TCF7L2: variants seen among roughly 807,000 people sequenced by gnomAD.
TCF7L2 encodes transcription factor 7-like 2.
A neutral mutation model predicts 77.9 loss-of-function variants in TCF7L2; 23 were observed. That is an observed-to-expected ratio of 0.30 (90% CI 0.21 to 0.42). TCF7L2 has a LOEUF of 0.42. TCF7L2 is among the 10% of genes least tolerant of loss of function. The pLI is 1.00. For synonymous variants in TCF7L2, 413 were observed against 340.2 expected (o/e 1.21, Z -2.36); for missense variants, 654 against 793.1 (o/e 0.82, Z 2.11).
At chr10:113,156,153 TCA>T (rs2071843137) in intron 11 of TCF7L2, among the ~76,000 whole-genome samples, 1 of 149,908 alleles carries the variant, frequency 6.7e-6, no homozygotes, top group Non-Finnish European at 1.5e-5. Flanking sequence ...TCTTGTTCTG[TCA>T]CCAGGGTGGA....
At chr10:113,124,191 CT>C (rs1297892863) in intron 5 of TCF7L2, among the ~76,000 whole-genome samples, 1 of 55,630 alleles carries the variant, frequency 1.8e-5, no homozygotes, top group Non-Finnish European at 3.4e-5. Flanking sequence ...AAGTAGAAAC[CT>C]TAAAAAAAAT....
intron 5 of TCF7L2, among the ~76,000 whole-genome samples, chr10:113,094,407 C>T (rs913731595): frequency 2.6e-5 from 4 of 151,992 alleles, no homozygotes; most frequent in East Asian, 1.9e-4. Flanking sequence ...TTTTTCAGTA[C>T]GTGGTATGTA....
chr10:112,985,750 C>T (rs2041368450), intron 4 of TCF7L2, among the ~76,000 whole-genome samples: 1 of 152,060 alleles, frequency 6.6e-6, no homozygotes, highest in African/African-American at 2.4e-5. Flanking sequence ...GGTGAATGCC[C>T]CCCCCTTCAC....
intron 4 of TCF7L2, among the ~76,000 whole-genome samples, chr10:112,995,780 T>C (rs923002104): frequency 5.9e-5 from 9 of 152,008 alleles, no homozygotes; most frequent in African/African-American, 2.2e-4. Context: ...TCCTTCAGAG[T>C]CGTGATCATG....
chr10:113,160,498 A>G (rs2072988936), intron 12 of TCF7L2: 1 of 736,262 alleles, frequency 1.4e-6, no homozygotes. Flanking sequence ...TTGGTGAGGG[A>G]AGATTATCAA....
chr10:113,148,426 G>T (rs886686075), intron 8 of TCF7L2, among the ~76,000 whole-genome samples: 1 of 152,192 alleles, frequency 6.6e-6, no homozygotes, highest in Non-Finnish European at 1.5e-5. Flanking sequence ...GGGGGAAAAT[G>T]AGAGAATAAT....
intron 4 of TCF7L2, among the ~76,000 whole-genome samples, chr10:112,969,860 T>C (rs775447790): frequency 2.0e-5 from 3 of 152,152 alleles, no homozygotes; most frequent in Non-Finnish European, 4.4e-5. Context: ...CTGCAGGTGA[T>C]TGTAGATAAT....
At chr10:113,068,327 G>T (rs1405201710) in intron 5 of TCF7L2, among the ~76,000 whole-genome samples, 1 of 152,224 alleles carries the variant, frequency 6.6e-6, no homozygotes, top group African/African-American at 2.4e-5. Context: ...GCTGTTGACA[G>T]CCCATGTGTG....
chr10:113,012,314 G>A (rs971964257), intron 4 of TCF7L2, among the ~76,000 whole-genome samples: 3 of 152,204 alleles, frequency 2.0e-5, no homozygotes, highest in Non-Finnish European at 2.9e-5. Flanking sequence ...TTTAATCAGG[G>A]AAGACTGACT....
chr10:113,018,420 T>TCCTTGCA (rs2047699407), intron 4 of TCF7L2, among the ~76,000 whole-genome samples: 1 of 147,104 alleles, frequency 6.8e-6, no homozygotes, highest in African/African-American at 2.5e-5. Flanking sequence ...GACTGAGTGG[T>TCCTTGCA]CCTTGCAGGC....
chr10:112,984,776 T>C (rs1055956368), intron 4 of TCF7L2, among the ~76,000 whole-genome samples: 1 of 152,186 alleles, frequency 6.6e-6, no homozygotes, highest in Non-Finnish European at 1.5e-5. Flanking sequence ...TGCAGATAGC[T>C]GGTTCTCTGG....
Position 112,951,536 on chromosome 10 carries a change from C to T in TCF7L2, c.310C>T (p.Pro104Ser). ...TAAGGGGCCACCGTATCCCGGCTAC[C>T]CCTTCATCATGATCCCCGACCTGAC... Residue 104 changes from proline to serine, a missense_variant, in exon 3 of 14, where the codon CCC becomes TCC. This residue lies in a region of TCF7L2 where 132 missense variants were observed against 123.7 expected (regional missense o/e 1.07). Transcript: ENST00000627217. 1 of 1,427,654 alleles carries T rather than the reference C, an allele frequency of 7.0e-7. No individual in the cohort carries two copies. Among genetic ancestry groups the T allele is most frequent in the Non-Finnish European group, 9.4e-7 (1 of 1,067,408 alleles). 88.4% of individuals were successfully genotyped at this position (1,427,654 alleles called of 1,614,324 possible).
At chr10:113,042,492 C>A (rs1489501693) in intron 5 of TCF7L2, among the ~76,000 whole-genome samples, 1 of 152,130 alleles carries the variant, frequency 6.6e-6, no homozygotes, top group Non-Finnish European at 1.5e-5. Context: ...GACAAAAGGA[C>A]AAATGTGGTT....
chr10:112,982,694 C>T (rs185836740), intron 4 of TCF7L2, among the ~76,000 whole-genome samples: 410 of 152,280 alleles, frequency 2.7e-3, no homozygotes, highest in Non-Finnish European at 4.2e-3. Flanking sequence ...GATCTTGGCT[C>T]ATTGCAGCCT....
intron 5 of TCF7L2, among the ~76,000 whole-genome samples, chr10:113,123,989 T>G (rs1448355470): frequency 6.6e-6 from 1 of 152,178 alleles, no homozygotes; most frequent in Non-Finnish European, 1.5e-5. Context: ...GATGTTTGTA[T>G]GTATGTTTGA....
intron 13 of TCF7L2, chr10:113,161,171 G>T: frequency 4.3e-6 from 1 of 230,492 alleles, no homozygotes; most frequent in Non-Finnish European, 8.4e-6. Context: ...TTTCCTTTTT[G>T]GTTGTTTTAT....
At chr10:113,053,890 C>T (rs1220718086) in intron 5 of TCF7L2, among the ~76,000 whole-genome samples, 2 of 152,222 alleles carry the variant, frequency 1.3e-5, no homozygotes, top group East Asian at 3.9e-4. Context: ...TACTCAAGGT[C>T]ACACAGCTGG....
chr10:113,128,296 A>G (rs1396183900), intron 5 of TCF7L2, among the ~76,000 whole-genome samples: 4 of 152,180 alleles, frequency 2.6e-5, no homozygotes, highest in Admixed American at 2.6e-4. Context: ...AGAAGAAAAG[A>G]AGAAATGAAG....
intron 4 of TCF7L2, among the ~76,000 whole-genome samples, chr10:112,994,014 C>A (rs1258621924): frequency 6.7e-6 from 1 of 149,632 alleles, no homozygotes; most frequent in Non-Finnish European, 1.5e-5. Context: ...GAGACCATGC[C>A]ATTGCACTCC....
Sources: gnomAD v4.1 joint callset for allele counts (sites outside exome capture counted in the v4.1 genomes callset) on GRCh38, gnomAD v4.1.1 for gene constraint, gnomAD v4.1.1 regional missense constraint, MANE v1.5 for transcripts, NCBI Gene and HGNC (gene_info 2026-07-23, HGNC 2026-07-21) for gene names.